Variants in KRIT1 observed in about 807,000 individuals in gnomAD.
KRIT1 encodes KRIT1 ankyrin repeat containing, also known as krev interaction trapped protein 1.
A neutral mutation model predicts 95.8 loss-of-function variants in KRIT1; 45 were observed. The observed-to-expected ratio is 0.47, with a 90% CI of 0.37 to 0.60. KRIT1 has a LOEUF of 0.60. Among genes scored for constraint, KRIT1 ranks in the 20% least tolerant of loss-of-function variants. The pLI, the probability that KRIT1 is intolerant of heterozygous loss-of-function variation, is 0.00. For missense variants in KRIT1, 788 were observed against 877.5 expected (o/e 0.90, Z 1.29); for synonymous variants, 282 against 278.8 (o/e 1.01, Z -0.11).
At position 92,236,439 on chromosome 7, in the gene KRIT1, T is replaced by A; in HGVS notation, c.459A>T (p.Thr153=). ...TATCCAAGGCTATTAACATCCTTGCTGTAAGTGTAGCAAAATGAGTACTGG... is the reference window on the plus strand; with the variant it reads ...TATCCAAGGCTATTAACATCCTTGCAGTAAGTGTAGCAAAATGAGTACTGG... ...SESSTHFATL[T]ARMLIALDKW... Residue 153 remains threonine (T), a synonymous_variant, in exon 7 of 19, where the codon ACA becomes ACT. Transcript: ENST00000394505. 6.2e-7 allele frequency: 1 copy of A among 1,605,406 alleles called. No individual in the cohort carries two copies.
At chr7:92,235,000 T>C (rs143990719) in intron 8 of KRIT1, 77 bp from the exon 9 acceptor site, 272 of 756,150 alleles carry the variant, frequency 3.6e-4, no homozygotes, top group African/African-American at 3.2e-3. Context: ...ATTTTAAATT[T>C]TTACTTATTT....
chr7:92,238,720 T>G (rs1013125008), intron 5 of KRIT1, among the ~76,000 whole-genome samples: 4 of 152,334 alleles, frequency 2.6e-5, no homozygotes, highest in Non-Finnish European at 5.9e-5. Context: ...TTTTGCATAT[T>G]ATATATCTAA....
intron 10 of KRIT1, among the ~76,000 whole-genome samples, chr7:92,229,428 A>G (rs535191360): frequency 5.3e-4 from 81 of 152,328 alleles, no homozygotes; most frequent in African/African-American, 1.9e-3. Flanking sequence ...CAGCACCTAT[A>G]AGAAACTTAA....
At chr7:92,211,947 C>CAA (rs76624237) in intron 17 of KRIT1, among the ~76,000 whole-genome samples, 1 of 142,156 alleles carries the variant, frequency 7.0e-6, no homozygotes, top group Non-Finnish European at 1.6e-5. Context: ...CAAAAAACAA[C>CAA]AAAAAAAAAA....
At chr7:92,224,088 C>T (rs984780460) in intron 12 of KRIT1, among the ~76,000 whole-genome samples, 2 of 152,050 alleles carry the variant, frequency 1.3e-5, no homozygotes, top group East Asian at 1.9e-4. Flanking sequence ...AAAATGCGTG[C>T]GTGTGTGGTA....
chr7:92,238,560 T>C (rs1410261887), intron 5 of KRIT1, among the ~76,000 whole-genome samples: 1 of 152,220 alleles, frequency 6.6e-6, no homozygotes, highest in Non-Finnish European at 1.5e-5. Flanking sequence ...TGAACACTTG[T>C]ACAAAATATA....
At chr7:92,227,670 G>C (rs1191181608) in intron 10 of KRIT1, among the ~76,000 whole-genome samples, 2 of 150,402 alleles carry the variant, frequency 1.3e-5, no homozygotes, top group Non-Finnish European at 3.0e-5. Context: ...AAGTAGCTGG[G>C]ATTACAGGCA....
At position 92,236,469 on chromosome 7, in the gene KRIT1, A is replaced by G; in HGVS notation, c.429T>C (p.Ser143=). ...GTGTAGCAAAATGAGTACTGGATTCACTACAGACTCGCATAATATCTTGTA... is the reference window on the plus strand; with the variant it reads ...GTGTAGCAAAATGAGTACTGGATTCGCTACAGACTCGCATAATATCTTGTA... ...YCLQDIMRVC[S]ESSTHFATLT... The change falls in exon 7 of 19, where the codon AGT becomes AGC. Residue 143 remains serine (S), a synonymous_variant. Coordinates refer to ENST00000394505, the MANE Select transcript of KRIT1 (RefSeq NM_194454.3). 1 of 1,597,654 alleles carries G rather than the reference A, an allele frequency of 6.3e-7. No homozygotes were observed. The highest frequency in any genetic ancestry group is 8.6e-7 in the Non-Finnish European group (1 of 1,165,306).
At chr7:92,238,360 A>G (rs1039600004) in intron 5 of KRIT1, among the ~76,000 whole-genome samples, 1 of 152,152 alleles carries the variant, frequency 6.6e-6, no homozygotes, top group Non-Finnish European at 1.5e-5. Context: ...AATGCTTTCA[A>G]TTTCCTCACA....
chr7:92,240,825 A>T (rs979249570), intron 5 of KRIT1, 168 bp downstream of exon 5: 1 of 624,350 alleles, frequency 1.6e-6, no homozygotes, highest in Non-Finnish European at 2.8e-6. Context: ...GTCAAGTTAC[A>T]TCTTGAAGGG....
intron 2 of KRIT1, among the ~76,000 whole-genome samples, chr7:92,244,543 C>A (rs1285560923): frequency 6.6e-6 from 1 of 152,134 alleles, no homozygotes; most frequent in African/African-American, 2.4e-5. Flanking sequence ...TCGTACTTGA[C>A]TACTTAAAAT....
chr7:92,242,789 C>T (rs1294167612), intron 3 of KRIT1, among the ~76,000 whole-genome samples: 1 of 152,100 alleles, frequency 6.6e-6, no homozygotes, highest in Admixed American at 6.5e-5. Flanking sequence ...TTCCATTTCC[C>T]TTATCAATTT....
chr7:92,214,220 T>C (rs1223632107), intron 15 of KRIT1, among the ~76,000 whole-genome samples: 1 of 152,090 alleles, frequency 6.6e-6, no homozygotes, highest in Non-Finnish European at 1.5e-5. Context: ...AAAACCACAA[T>C]AACCAAATTC....
chr7:92,234,869 T>C lies in KRIT1; in HGVS notation c.784A>G (p.Lys262Glu). The C allele has an allele frequency of 1.9e-6, 3 of 1,610,248 alleles. No individual in the cohort carries two copies. Among genetic ancestry groups the C allele is most frequent in the Non-Finnish European group, 2.5e-6 (3 of 1,176,508 alleles). Reference protein sequence around the residue: ...YFGLGAPDYSKIQIPKQEKWQ... With the variant: ...YFGLGAPDYSEIQIPKQEKWQ... ...TTTTCCTGTTTAGGTATTTGGATTT[T>C]TGAGTAGTCTGGAGCTCCTAGACCA... The change falls in exon 9 of 19, where the codon AAA (lysine) becomes GAA (glutamate). Residue 262 changes from lysine to glutamate, a missense_variant. By Grantham distance (56) the Lys-to-Glu change is moderately conservative. Transcript: ENST00000394505.
intron 10 of KRIT1, among the ~76,000 whole-genome samples, chr7:92,228,951 G>A (rs1307885171): frequency 6.6e-6 from 1 of 152,154 alleles, no homozygotes; most frequent in Non-Finnish European, 1.5e-5. Context: ...ATTCCATGAT[G>A]TATACATACC....
chr7:92,234,296 A>G (rs1242689052), intron 10 of KRIT1, among the ~76,000 whole-genome samples, 153 bp downstream of exon 10: 4 of 152,256 alleles, frequency 2.6e-5, no homozygotes, highest in Admixed American at 2.6e-4. Flanking sequence ...ACATTGGCAC[A>G]TATACAATCA....
intron 14 of KRIT1, among the ~76,000 whole-genome samples, chr7:92,215,714 C>T (rs1045515119): frequency 1.2e-4 from 18 of 151,692 alleles, no homozygotes; most frequent in Admixed American, 9.8e-4. Flanking sequence ...CCTTGGCCTC[C>T]CAAAGTGTTG....
chr7:92,228,090 A>G (rs1796568359), intron 10 of KRIT1, among the ~76,000 whole-genome samples: 1 of 152,068 alleles, frequency 6.6e-6, no homozygotes, highest in African/African-American at 2.4e-5. Context: ...CCTGGGCTCA[A>G]ATGATCCACC....
chr7:92,227,103 A>C (rs891356656), intron 10 of KRIT1, among the ~76,000 whole-genome samples: 3 of 152,224 alleles, frequency 2.0e-5, no homozygotes, highest in African/African-American at 7.2e-5. Context: ...CAAAGATGTA[A>C]TTCTATACAC....
Sources: allele counts gnomAD v4.1 joint callset (sites outside exome capture counted in the v4.1 genomes callset), GRCh38; gene constraint gnomAD v4.1.1; transcripts MANE v1.5; gene names NCBI Gene and HGNC (gene_info 2026-07-23, HGNC 2026-07-21).